The following CALN1 variants were observed in gnomAD, a reference collection of about 807,000 sequenced individuals.
CALN1 encodes the protein calcium-binding protein 8.
In CALN1, 17 loss-of-function variants were observed where a neutral mutation model predicts 30.6. That is an observed-to-expected ratio of 0.56 (90% CI 0.38 to 0.83). CALN1 has a LOEUF of 0.83. Among genes scored for constraint, CALN1 ranks in the 40% least tolerant of loss-of-function variants. The probability of loss-of-function intolerance (pLI) is 0.00; values close to 1 mark genes in which losing one functional copy is unlikely to be tolerated. For missense variants in CALN1, 291 were observed against 354.9 expected, an observed-to-expected ratio of 0.82 and a Z score of 1.45; for synonymous variants, 156 against 131.4, an observed-to-expected ratio of 1.19 and a Z score of -1.28.
At chr7:72,388,834 C>T (rs916781349) in intron 2 of CALN1, among the ~76,000 whole-genome samples, 7 of 152,120 alleles carry the variant, frequency 4.6e-5, no homozygotes, top group African/African-American at 1.7e-4. Flanking sequence ...GCCAATAATC[C>T]TGAAGTTCAG....
intron 5 of CALN1, among the ~76,000 whole-genome samples, chr7:71,846,568 A>G (rs889617155): frequency 2.6e-5 from 4 of 151,908 alleles, no homozygotes; most frequent in African/African-American, 9.7e-5. Flanking sequence ...AGATATGCAT[A>G]TATATCAAGC....
chr7:71,810,951 A>G lies in CALN1; in HGVS notation c.502-459T>C, dbSNP rs137891865. Among the ~76,000 whole-genome samples, 325 of 146,728 alleles carry G rather than the reference A, an allele frequency of 2.2e-3. 2 individuals carry two copies. Among genetic ancestry groups the G allele is most frequent in the African/African-American group, 7.9e-3 (311 of 39,180 alleles). ...TGCTCTTTCGCCCAGGCTGGAGTGC[A>G]GCGGCGAGATCTCGGCTCACTGCAA... On this transcript the variant is annotated intron_variant, in intron 5 of 6. Transcript: ENST00000395275.
intron 5 of CALN1, among the ~76,000 whole-genome samples, chr7:72,017,748 A>G (rs533022130): frequency 1.3e-5 from 2 of 152,326 alleles, no homozygotes; most frequent in Admixed American, 6.5e-5. Context: ...GAAAGTCTAA[A>G]TTAGTGAAGT....
At chr7:72,226,093 CAAA>C (rs35950469) in intron 3 of CALN1, among the ~76,000 whole-genome samples, 4 of 111,890 alleles carry the variant, frequency 3.6e-5, no homozygotes, top group Non-Finnish European at 3.5e-5. Flanking sequence ...AGACTCCACC[CAAA>C]AAAAAAAAAA....
intron 2 of CALN1, among the ~76,000 whole-genome samples, chr7:72,322,821 A>G (rs905006268): frequency 1.3e-5 from 2 of 152,090 alleles, no homozygotes; most frequent in Non-Finnish European, 2.9e-5. Context: ...CTTGTTCATA[A>G]CACAAGGGAT....
chr7:71,877,914 T>C (rs4719183), intron 5 of CALN1, among the ~76,000 whole-genome samples: 17,424 of 152,176 alleles, frequency 0.11, 1,446 homozygotes, highest in East Asian at 0.43. Flanking sequence ...CATTTTGCCA[T>C]AGTGGTAGTC....
At chr7:72,349,705 T>C (rs1187745394) in intron 2 of CALN1, among the ~76,000 whole-genome samples, 1 of 152,240 alleles carries the variant, frequency 6.6e-6, no homozygotes, top group Non-Finnish European at 1.5e-5. Flanking sequence ...GCTGAGCTTA[T>C]TTTCAAATGC....
At chr7:72,048,902 T>C (rs711296) in intron 4 of CALN1, among the ~76,000 whole-genome samples, 109,977 of 151,866 alleles carry the variant, frequency 0.72, 40,293 homozygotes, top group East Asian at 1. Context: ...CCTCAACATT[T>C]TCGGCCCAAG....
chr7:72,162,498 C>A (rs182358275), intron 3 of CALN1, among the ~76,000 whole-genome samples: 19 of 152,000 alleles, frequency 1.3e-4, no homozygotes, highest in Admixed American at 9.8e-4. Flanking sequence ...CTTTGGGAGA[C>A]CAAGGTGGGC....
chr7:72,383,811 A>T (rs1805051077), intron 2 of CALN1, among the ~76,000 whole-genome samples: 1 of 152,220 alleles, frequency 6.6e-6, no homozygotes, highest in Non-Finnish European at 1.5e-5. Flanking sequence ...GGAGGCATAG[A>T]TGAGTTGGCC....
At chr7:71,798,101 CAGAGAGAGACAGAGACAG>C (rs1787049193) in intron 6 of CALN1, among the ~76,000 whole-genome samples, 1 of 76,874 alleles carries the variant, frequency 1.3e-5, no homozygotes, top group African/African-American at 5.9e-5. Flanking sequence ...GAGAGAGAGA[CAGAGAGAGACAGAGACAG>C]AGACAGAGAG....
chr7:72,276,814 T>A (rs1293871957), intron 3 of CALN1, among the ~76,000 whole-genome samples: 1 of 152,144 alleles, frequency 6.6e-6, no homozygotes, highest in Admixed American at 6.5e-5. Context: ...ATATAGTTCT[T>A]TTCTATATCA....
intron 2 of CALN1, among the ~76,000 whole-genome samples, chr7:72,360,046 A>C (rs1403636840): frequency 2.0e-5 from 3 of 151,812 alleles, no homozygotes; most frequent in East Asian, 1.9e-4. Flanking sequence ...ACATAAAAAG[A>C]AGCTAAGAAA....
intron 3 of CALN1, among the ~76,000 whole-genome samples, chr7:72,248,814 G>T (rs540738249): frequency 5.2e-5 from 7 of 135,260 alleles, no homozygotes; most frequent in East Asian, 2.0e-4. Context: ...ATTAAATTTC[G>T]ATCTAGATTT....
At chr7:72,233,731 T>A (rs1445755225) in intron 3 of CALN1, among the ~76,000 whole-genome samples, 1 of 151,932 alleles carries the variant, frequency 6.6e-6, no homozygotes, top group Non-Finnish European at 1.5e-5. Flanking sequence ...AGGCCAGGCA[T>A]GCTGGCTCAC....
chr7:72,366,809 T>C (rs1287062932), intron 2 of CALN1, among the ~76,000 whole-genome samples: 1 of 140,412 alleles, frequency 7.1e-6, no homozygotes, highest in African/African-American at 2.6e-5. Flanking sequence ...TGGCAGTTTC[T>C]TTCTCAGGGA....
chr7:72,491,169 G>T, the CALN1 span, among the ~76,000 whole-genome samples: 2 of 151,772 alleles, frequency 1.3e-5, no homozygotes, highest in Admixed American at 1.3e-4. Flanking sequence ...GCGTGAACCC[G>T]GAAGGCGGAG....
At chr7:72,343,173 A>G (rs112053609) in intron 2 of CALN1, among the ~76,000 whole-genome samples, 3 of 152,332 alleles carry the variant, frequency 2.0e-5, no homozygotes, top group African/African-American at 4.8e-5. Flanking sequence ...CTCTTGGAGG[A>G]AACATGAAGG....
chr7:72,342,258 CAA>C (rs35193419), intron 2 of CALN1, among the ~76,000 whole-genome samples: 103 of 126,610 alleles, frequency 8.1e-4, no homozygotes, highest in African/African-American at 2.4e-3. Context: ...GACTTTGTCT[CAA>C]AAAAAAAAAA....
Sources: gnomAD v4.1 joint callset for allele counts (sites outside exome capture counted in the v4.1 genomes callset) on GRCh38, gnomAD v4.1.1 for gene constraint, MANE v1.5 for transcripts, NCBI Gene and HGNC (gene_info 2026-07-23, HGNC 2026-07-21) for gene names.